Variants in COL4A4 observed in about 807,000 individuals in gnomAD.
COL4A4 encodes the protein collagen type IV alpha 4 chain.
A neutral mutation model predicts 192.9 loss-of-function variants in COL4A4; 105 were observed. That is an observed-to-expected ratio of 0.54 (90% CI 0.46 to 0.64). The LOEUF is 0.64. Among genes scored for constraint, COL4A4 ranks in the 30% least tolerant of loss-of-function variants. COL4A4 has a pLI of 0.00. For synonymous variants in COL4A4, 762 were observed against 769.9 expected, an observed-to-expected ratio of 0.99 and a Z score of 0.17; for missense variants, 1,967 against 2,169.3, an observed-to-expected ratio of 0.91 and a Z score of 1.85.
At chr2:227,025,629 G>A (rs1025851187) in intron 43 of COL4A4, among the ~76,000 whole-genome samples, 173 bp downstream of exon 43, 3 of 152,060 alleles carry the variant, frequency 2.0e-5, no homozygotes, top group Admixed American at 2.0e-4. Flanking sequence ...TCTAATATGA[G>A]GTTACTATAT....
chr2:227,147,400 T>G lies in COL4A4; in HGVS notation c.71+13A>C. On this transcript the variant is annotated intron_variant, in intron 2 of 47. Coordinates refer to ENST00000396625, the MANE Select transcript of COL4A4 (RefSeq NM_000092.5). ...ACTAAATAAAAGCAGGCAATCACAC[T>G]GAGGATACTCACCAGGGACCTGTGG... The G allele has an allele frequency of 6.2e-7, 1 of 1,611,398 alleles. No homozygotes were observed. Among genetic ancestry groups the G allele is most frequent in the African/African-American group, 1.3e-5 (1 of 74,950 alleles).
intron 5 of COL4A4, among the ~76,000 whole-genome samples, 183 bp from the exon 6 acceptor site, chr2:227,120,122 A>G (rs1014292897): frequency 1.3e-5 from 2 of 152,198 alleles, no homozygotes; most frequent in Non-Finnish European, 2.9e-5. Context: ...TTTCTTTTGT[A>G]CTTGGGAAAA....
chr2:227,152,868 C>T (rs2064048571), intron 1 of COL4A4, among the ~76,000 whole-genome samples: 1 of 152,096 alleles, frequency 6.6e-6, no homozygotes, highest in East Asian at 1.9e-4. Context: ...TGTTTCTGTT[C>T]GAGTCTATCA....
intron 25 of COL4A4, among the ~76,000 whole-genome samples, chr2:227,070,149 C>T (rs2058622927): frequency 6.6e-6 from 1 of 152,092 alleles, no homozygotes. Flanking sequence ...CAGAGAAATG[C>T]AAATCAAAAC....
chr2:227,057,473 C>T lies in COL4A4; in HGVS notation c.2511G>A (p.Gly837=), dbSNP rs767522216. ...CTGGATACCCAGGGAGTCCCGGTTG[C>T]CCTGGTATCCCTGGAGCACCTCTTT... The part of the protein sequence containing the change: ...SCERGAPGIP[G]QPGLPGYPGS... Residue 837 remains glycine, a synonymous_variant, in exon 29 of 48, where the codon GGG becomes GGA. Coordinates refer to ENST00000396625, the MANE Select transcript of COL4A4 (RefSeq NM_000092.5). 40 of 1,611,102 alleles carry T rather than the reference C, an allele frequency of 2.5e-5. No homozygotes were observed. In the South Asian group the frequency reaches 3.9e-4, roughly 16 times the overall value.
intron 44 of COL4A4, among the ~76,000 whole-genome samples, chr2:227,013,554 G>A (rs1343325375): frequency 6.6e-6 from 1 of 152,172 alleles, no homozygotes; most frequent in Non-Finnish European, 1.5e-5. Flanking sequence ...GGCCACGTGA[G>A]GACACAGGAA....
the COL4A4 span, among the ~76,000 whole-genome samples, chr2:226,974,840 C>T: frequency 2.0e-5 from 3 of 152,168 alleles, no homozygotes; most frequent in Non-Finnish European, 4.4e-5. Context: ...TTGGAGATCA[C>T]TCTTTTCAGG....
chr2:226,969,579 C>T, the COL4A4 span, among the ~76,000 whole-genome samples: 1 of 152,016 alleles, frequency 6.6e-6, no homozygotes, highest in Non-Finnish European at 1.5e-5. Context: ...CAATTGACTC[C>T]GTCACCAAAG....
intron 8 of COL4A4, among the ~76,000 whole-genome samples, chr2:227,113,548 A>C (rs1006573998): frequency 1.3e-5 from 2 of 152,134 alleles, no homozygotes; most frequent in Non-Finnish European, 2.9e-5. Flanking sequence ...CTTCTTTCAC[A>C]AATAACGAAC....
At chr2:227,092,525 T>G (rs1426298122) in intron 20 of COL4A4, among the ~76,000 whole-genome samples, 1 of 152,226 alleles carries the variant, frequency 6.6e-6, no homozygotes, top group African/African-American at 2.4e-5. Context: ...GAGAGATTTA[T>G]TCAAAGAGCT....
chr2:227,046,071 A>G (rs911422832), intron 35 of COL4A4, among the ~76,000 whole-genome samples: 1 of 138,176 alleles, frequency 7.2e-6, no homozygotes, highest in Non-Finnish European at 1.5e-5. Flanking sequence ...ATATATACAT[A>G]TATATATTTA....
At chr2:227,088,924 A>G in intron 21 of COL4A4, 108 bp from the exon 22 acceptor site, 1 of 1,317,642 alleles carries the variant, frequency 7.6e-7, no homozygotes, top group East Asian at 2.3e-5. Flanking sequence ...AGAGTCCGAT[A>G]TGCACTTCTT....
intron 42 of COL4A4, among the ~76,000 whole-genome samples, chr2:227,027,643 A>G (rs1427657114): frequency 6.6e-6 from 1 of 151,226 alleles, no homozygotes; most frequent in Non-Finnish European, 1.5e-5. Flanking sequence ...TAAAAAATAT[A>G]TATATATAGA....
rs1976384026 is a variant in COL4A4 at position 227,059,636 on chromosome 2, A to G, written c.2165-13T>C. 1 of 1,566,912 alleles carries G rather than the reference A, an allele frequency of 6.4e-7. No individual in the cohort carries two copies. Among genetic ancestry groups the G allele is most frequent in the African/African-American group, 1.6e-5 (1 of 63,006 alleles). ...TCACCACGAAAACCTATTTAACAAC[A>G]AAAAAAAATTTTTAATGATAACATG... On this transcript the variant is annotated splice_polypyrimidine_tract_variant and intron_variant, in intron 27 of 47. Coordinates refer to ENST00000396625, the MANE Select transcript of COL4A4 (RefSeq NM_000092.5).
chr2:227,098,376 C>G (rs980413589), intron 19 of COL4A4, among the ~76,000 whole-genome samples: 3 of 152,136 alleles, frequency 2.0e-5, no homozygotes, highest in African/African-American at 7.2e-5. Flanking sequence ...TACAACACCC[C>G]TATGATATTG....
chr2:227,144,546 G>T lies in COL4A4; in HGVS notation c.84C>A (p.Leu28=). 6.2e-7 allele frequency: 1 copy of T among 1,608,300 alleles called. No homozygotes were observed. The highest frequency in any genetic ancestry group is 1.3e-5 in the African/African-American group (1 of 74,914). Residue 28 remains leucine (L), a synonymous_variant, in exon 3 of 48, where the codon CTC becomes CTA. Transcript: ENST00000396625. ...SLATGPWSLI[L]ILFSVQYVYG... ...ATACATATTGTACAGAAAAGAGAAT[G>T]AGTATAAGTGACCTACAGAAAAACA... is the stretch of plus-strand genomic sequence containing the variant.
intron 2 of COL4A4, 182 bp downstream of exon 2, chr2:227,147,231 G>A: frequency 2.8e-6 from 2 of 722,488 alleles, no homozygotes; most frequent in Non-Finnish European, 5.1e-6. Flanking sequence ...GCATTTCAGG[G>A]AAAATTGAGA....
intron 45 of COL4A4, 141 bp downstream of exon 45, chr2:227,012,038 GTC>G (rs1963845653): frequency 1.4e-6 from 1 of 723,722 alleles, no homozygotes. Flanking sequence ...CATTGTTTCT[GTC>G]TCTGATACCT....
Position 227,027,884 on chromosome 2 carries a change from T to G in COL4A4, c.4081+18A>C. 1 of 1,522,414 alleles carries G rather than the reference T, an allele frequency of 6.6e-7. No homozygotes were observed. Among genetic ancestry groups the G allele is most frequent in the Non-Finnish European group, 9.1e-7 (1 of 1,097,084 alleles). The allele number at this position is 1,522,414 out of a possible 1,614,324, so 94.3% of individuals were successfully genotyped here. ...GTAAATGTTTAAACAAAATGCTGTA[T>G]GTAGGTTGGAAGCTCACCCGGAAGA... On this transcript the variant is annotated intron_variant, in intron 42 of 47. Transcript: ENST00000396625.
Sources: allele counts gnomAD v4.1 joint callset (sites outside exome capture counted in the v4.1 genomes callset), GRCh38; gene constraint gnomAD v4.1.1; transcripts MANE v1.5; gene names NCBI Gene and HGNC (gene_info 2026-07-23, HGNC 2026-07-21).